The following FRMD4A variants were observed in gnomAD, a reference collection of about 807,000 sequenced individuals.
The protein encoded by FRMD4A is FERM domain-containing protein 4A.
A neutral mutation model predicts 129.1 loss-of-function variants in FRMD4A; 29 were observed. The observed-to-expected ratio is 0.22, with a 90% CI of 0.17 to 0.31. FRMD4A has a LOEUF of 0.31. FRMD4A is among the 10% of genes least tolerant of loss of function. The pLI, the probability that FRMD4A is intolerant of heterozygous loss-of-function variation, is 1.00. For synonymous variants in FRMD4A, 634 were observed against 571.6 expected (o/e 1.11, Z -1.56); for missense variants, 1,272 against 1,375.8 (o/e 0.92, Z 1.19).
chr10:14,123,420 G>A (rs1436906846), intron 2 of FRMD4A, among the ~76,000 whole-genome samples: 2 of 152,154 alleles, frequency 1.3e-5, no homozygotes, highest in East Asian at 3.9e-4. Context: ...TTGCCAGCTG[G>A]GCAAGAGATA....
chr10:13,881,988 AGGGTGTGT>A (rs1441867448), intron 2 of FRMD4A, among the ~76,000 whole-genome samples: 45 of 10,724 alleles, frequency 4.2e-3, no homozygotes, highest in South Asian at 0.035. Context: ...GGGAGAGGCA[AGGGTGTGT>A]GTGTGTGTGT....
intron 17 of FRMD4A, chr10:13,668,380 G>C (rs982713796): frequency 3.9e-5 from 6 of 152,186 alleles, no homozygotes; most frequent in Non-Finnish European, 8.8e-5. Flanking sequence ...AGTTTTGTGG[G>C]GAGCCCAGGA....
intron 3 of FRMD4A, among the ~76,000 whole-genome samples, chr10:13,852,878 TGAG>T (rs1376478785): frequency 6.6e-6 from 1 of 152,218 alleles, no homozygotes; most frequent in Non-Finnish European, 1.5e-5. Context: ...GTCTTGGTTA[TGAG>T]GAGATTATGT....
chr10:14,311,471 C>T (rs553532736), intron 2 of FRMD4A, among the ~76,000 whole-genome samples: 6 of 152,284 alleles, frequency 3.9e-5, no homozygotes, highest in Admixed American at 3.9e-4. Context: ...ATCCTCTCTC[C>T]CTGCAAATGC....
intron 12 of FRMD4A, among the ~76,000 whole-genome samples, chr10:13,722,450 TG>T (rs1329352564): frequency 6.6e-6 from 1 of 151,624 alleles, no homozygotes; most frequent in East Asian, 1.9e-4. Context: ...CTCTCTATGT[TG>T]TCCAGGATGG....
intron 21 of FRMD4A, among the ~76,000 whole-genome samples, chr10:13,659,009 A>G (rs1163951258): frequency 2.0e-5 from 3 of 152,138 alleles, no homozygotes; most frequent in Admixed American, 6.5e-5. Flanking sequence ...TTTAGGCCTC[A>G]GTAGAAAGAT....
intron 2 of FRMD4A, among the ~76,000 whole-genome samples, chr10:13,943,509 G>C (rs563903952): frequency 6.6e-6 from 1 of 151,396 alleles, no homozygotes; most frequent in Non-Finnish European, 1.5e-5. Context: ...TTAGCTGGGC[G>C]TGGTGGCACG....
At chr10:14,207,413 T>A (rs1401051222) in intron 2 of FRMD4A, among the ~76,000 whole-genome samples, 3 of 152,112 alleles carry the variant, frequency 2.0e-5, no homozygotes, top group Non-Finnish European at 4.4e-5. Flanking sequence ...CAACTCACTA[T>A]CAGGCAGAAT....
intron 2 of FRMD4A, among the ~76,000 whole-genome samples, chr10:13,862,222 G>T (rs1165164812): frequency 2.6e-5 from 4 of 152,170 alleles, no homozygotes; most frequent in Non-Finnish European, 5.9e-5. Flanking sequence ...ATCATAAAAG[G>T]TTAAGGGTAT....
intron 2 of FRMD4A, among the ~76,000 whole-genome samples, chr10:14,217,992 G>C (rs1171593704): frequency 6.6e-6 from 1 of 152,010 alleles, no homozygotes; most frequent in Non-Finnish European, 1.5e-5. Flanking sequence ...CACCACACCT[G>C]GCTAGTTTTT....
intron 2 of FRMD4A, among the ~76,000 whole-genome samples, chr10:14,068,604 C>T (rs1835170099): frequency 6.6e-6 from 1 of 152,144 alleles, no homozygotes; most frequent in South Asian, 2.1e-4. Flanking sequence ...GAAACTTCTC[C>T]TTTCCTCAGT....
At chr10:14,174,241 C>G (rs1019072461) in intron 2 of FRMD4A, among the ~76,000 whole-genome samples, 4 of 152,104 alleles carry the variant, frequency 2.6e-5, no homozygotes, top group African/African-American at 9.7e-5. Context: ...GAAGCCTGCT[C>G]CTCTCCTCGC....
chr10:14,252,860 C>T (rs1379675066), intron 2 of FRMD4A, among the ~76,000 whole-genome samples: 1 of 152,096 alleles, frequency 6.6e-6, no homozygotes, highest in Non-Finnish European at 1.5e-5. Context: ...TTTCTAATTC[C>T]ATCATTCATT....
intron 2 of FRMD4A, among the ~76,000 whole-genome samples, chr10:14,257,945 G>A (rs1040251939): frequency 1.3e-5 from 2 of 152,178 alleles, no homozygotes; most frequent in South Asian, 2.1e-4. Flanking sequence ...AATACAAGGT[G>A]CAATGGAGAA....
intron 2 of FRMD4A, among the ~76,000 whole-genome samples, chr10:13,914,486 C>T (rs1210142267): frequency 6.6e-6 from 1 of 152,154 alleles, no homozygotes; most frequent in Non-Finnish European, 1.5e-5. Context: ...ATAAGAGCTT[C>T]ATTGATCTCT....
At chr10:14,282,482 G>A (rs1845554154) in intron 2 of FRMD4A, among the ~76,000 whole-genome samples, 1 of 152,138 alleles carries the variant, frequency 6.6e-6, no homozygotes, top group African/African-American at 2.4e-5. Flanking sequence ...CCGTGAGGAA[G>A]CAACAACAGC....
chr10:14,313,338 G>A (rs1846625878), intron 2 of FRMD4A, among the ~76,000 whole-genome samples: 1 of 152,060 alleles, frequency 6.6e-6, no homozygotes, highest in South Asian at 2.1e-4. Context: ...AATCCACCTT[G>A]GGTAACAGAG....
intron 3 of FRMD4A, among the ~76,000 whole-genome samples, chr10:13,815,909 G>A (rs1020292332): frequency 9.9e-5 from 15 of 152,206 alleles, no homozygotes; most frequent in African/African-American, 3.1e-4. Flanking sequence ...TCTGGAGACT[G>A]AGTTTTTGCC....
chr10:13,697,391 G>T (rs1390780152), intron 14 of FRMD4A, among the ~76,000 whole-genome samples: 1 of 152,104 alleles, frequency 6.6e-6, no homozygotes, highest in East Asian at 1.9e-4. Flanking sequence ...TAGGTGATCT[G>T]CCCGACTCAG....
Sources: allele counts gnomAD v4.1 joint callset (sites outside exome capture counted in the v4.1 genomes callset), GRCh38; gene constraint gnomAD v4.1.1; transcripts MANE v1.5; gene names NCBI Gene and HGNC (gene_info 2026-07-23, HGNC 2026-07-21).